Variants in RIMS2 observed in about 807,000 individuals in gnomAD.
The protein encoded by RIMS2 is regulating synaptic membrane exocytosis protein 2.
RIMS2 carries 59 observed loss-of-function variants against 174.4 expected under a neutral mutation model. That is an observed-to-expected ratio of 0.34 (90% CI 0.27 to 0.42). The LOEUF is 0.42. Ranked by LOEUF, RIMS2 falls within the 10% of genes least tolerant of loss-of-function variation. The pLI is 1.00. For missense variants in RIMS2, 1,620 were observed against 1,666.3 expected (o/e 0.97, Z 0.48); for synonymous variants, 606 against 572.5 (o/e 1.06, Z -0.84).
intron 1 of RIMS2, among the ~76,000 whole-genome samples, chr8:103,685,528 A>G (rs950170430): frequency 1.6e-4 from 24 of 152,204 alleles, no homozygotes; most frequent in Non-Finnish European, 1.9e-4. Flanking sequence ...AGAGGGTACA[A>G]AACATCCAAA....
chr8:103,744,981 G>A (rs962109653), intron 2 of RIMS2, among the ~76,000 whole-genome samples: 1 of 152,130 alleles, frequency 6.6e-6, no homozygotes, highest in Non-Finnish European at 1.5e-5. Flanking sequence ...AGCCATCTGG[G>A]CCTAATATTT....
At chr8:104,212,682 G>T (rs148634593) in intron 19 of RIMS2, among the ~76,000 whole-genome samples, 140 of 152,248 alleles carry the variant, frequency 9.2e-4, no homozygotes, top group African/African-American at 3.2e-3. Flanking sequence ...AGTATACTCT[G>T]TTCCTCTGAT....
chr8:104,170,212 T>C (rs753527392), intron 19 of RIMS2, among the ~76,000 whole-genome samples: 1 of 152,062 alleles, frequency 6.6e-6, no homozygotes, highest in Non-Finnish European at 1.5e-5. Context: ...AGTCCATTTT[T>C]TTGTTGTTGT....
chr8:103,815,956 T>A (rs1186213993), intron 3 of RIMS2, among the ~76,000 whole-genome samples: 1 of 152,186 alleles, frequency 6.6e-6, no homozygotes, highest in Non-Finnish European at 1.5e-5. Flanking sequence ...TATGCTGAGG[T>A]AATACAGCTA....
At chr8:104,176,882 A>G (rs1015133530) in intron 19 of RIMS2, among the ~76,000 whole-genome samples, 2 of 152,056 alleles carry the variant, frequency 1.3e-5, no homozygotes, top group Non-Finnish European at 2.9e-5. Context: ...CTCCTATTTT[A>G]TCATTAGCAG....
intron 3 of RIMS2, among the ~76,000 whole-genome samples, chr8:103,776,845 T>C (rs543719132): frequency 2.8e-4 from 43 of 152,268 alleles, no homozygotes; most frequent in Non-Finnish European, 4.7e-4. Flanking sequence ...AGCATGACTT[T>C]TCCTTTAGAT....
At chr8:103,995,422 T>C (rs1418213822) in intron 17 of RIMS2, among the ~76,000 whole-genome samples, 1 of 151,858 alleles carries the variant, frequency 6.6e-6, no homozygotes, top group Non-Finnish European at 1.5e-5. Flanking sequence ...CACAGAGAAG[T>C]TGGGCTTTAA....
intron 1 of RIMS2, among the ~76,000 whole-genome samples, chr8:103,598,539 TG>T (rs1211634482): frequency 1.3e-5 from 2 of 152,214 alleles, no homozygotes; most frequent in African/African-American, 4.8e-5. Context: ...GATTATAAAT[TG>T]GGCAGATTCA....
intron 19 of RIMS2, among the ~76,000 whole-genome samples, chr8:104,176,632 A>C (rs2098898055): frequency 6.6e-6 from 1 of 151,722 alleles, no homozygotes; most frequent in Non-Finnish European, 1.5e-5. Context: ...TTATATGCTA[A>C]TGAAAATGAT....
intron 19 of RIMS2, among the ~76,000 whole-genome samples, chr8:104,227,869 C>G (rs2099198064): frequency 6.6e-6 from 1 of 152,068 alleles, no homozygotes; most frequent in African/African-American, 2.4e-5. Context: ...GGAAAACCAT[C>G]TAAGAAATAA....
At chr8:104,024,541 CGTTGTTGTT>C (rs55642714) in intron 19 of RIMS2, among the ~76,000 whole-genome samples, 9 of 151,348 alleles carry the variant, frequency 5.9e-5, no homozygotes, top group South Asian at 4.2e-4. Context: ...CAACCGGTTT[CGTTGTTGTT>C]GTTGTTGTTG....
At chr8:104,080,691 A>G (rs2097400071) in intron 19 of RIMS2, among the ~76,000 whole-genome samples, 1 of 152,094 alleles carries the variant, frequency 6.6e-6, no homozygotes, top group African/African-American at 2.4e-5. Context: ...TAATACAAAT[A>G]TATCTACAAT....
intron 1 of RIMS2, among the ~76,000 whole-genome samples, chr8:103,549,257 C>G (rs1466645039): frequency 6.6e-6 from 1 of 152,154 alleles, no homozygotes; most frequent in Non-Finnish European, 1.5e-5. Context: ...GGCTATCAGA[C>G]TAACAGCAGA....
chr8:104,228,280 G>A (rs761910947), intron 19 of RIMS2, among the ~76,000 whole-genome samples: 3 of 151,776 alleles, frequency 2.0e-5, no homozygotes, highest in Non-Finnish European at 4.4e-5. Context: ...AGCCCGCCTC[G>A]ACCTCCCAAA....
At chr8:103,722,029 G>A (rs2097456181) in intron 2 of RIMS2, among the ~76,000 whole-genome samples, 1 of 152,122 alleles carries the variant, frequency 6.6e-6, no homozygotes, top group Admixed American at 6.5e-5. Context: ...ATTGAATTTG[G>A]AGAGCTTTCA....
intron 1 of RIMS2, among the ~76,000 whole-genome samples, chr8:103,627,349 G>A (rs1163345106): frequency 6.6e-6 from 1 of 151,972 alleles, no homozygotes; most frequent in Non-Finnish European, 1.5e-5. Flanking sequence ...TCTTTTTCAG[G>A]GTGCACTGAT....
chr8:104,239,633 G>T (rs1028584843), intron 19 of RIMS2, among the ~76,000 whole-genome samples: 4 of 152,032 alleles, frequency 2.6e-5, no homozygotes, highest in African/African-American at 9.6e-5. Flanking sequence ...CAGTTTTGAT[G>T]GTCCACCCCT....
intron 10 of RIMS2, among the ~76,000 whole-genome samples, chr8:103,923,868 A>G (rs1391253303): frequency 5.9e-5 from 9 of 151,736 alleles, no homozygotes; most frequent in Non-Finnish European, 8.9e-5. Flanking sequence ...ATAACCATTC[A>G]CTACATATAA....
intron 19 of RIMS2, among the ~76,000 whole-genome samples, chr8:104,219,054 T>A (rs1468363030): frequency 6.6e-6 from 1 of 152,236 alleles, no homozygotes; most frequent in Non-Finnish European, 1.5e-5. Context: ...GGTGATTTTT[T>A]AAAAACTATT....
Sources: allele counts gnomAD v4.1 joint callset (sites outside exome capture counted in the v4.1 genomes callset), GRCh38; gene constraint gnomAD v4.1.1; transcripts MANE v1.5; gene names NCBI Gene and HGNC (gene_info 2026-07-23, HGNC 2026-07-21).